The following PREP variants were observed in gnomAD, a reference collection of about 807,000 sequenced individuals.
PREP encodes prolyl endopeptidase, also known as dJ355L5.1 (prolyl endopeptidase).
PREP carries 29 observed loss-of-function variants against 87.6 expected under a neutral mutation model. The observed-to-expected ratio is 0.33, with a 90% CI of 0.25 to 0.45. The LOEUF (loss-of-function observed/expected upper bound fraction) is 0.45. Ranked by LOEUF, PREP falls within the 20% of genes least tolerant of loss-of-function variation. The pLI, the probability that PREP is intolerant of heterozygous loss-of-function variation, is 1.00. For missense variants in PREP, 695 were observed against 886.5 expected (o/e 0.78, Z 2.74); for synonymous variants, 337 against 328.6 (o/e 1.03, Z -0.28).
rs200291984 is a variant in PREP at position 105,373,531 on chromosome 6, C to T, written c.433G>A (p.Ala145Thr). 3 of 1,614,110 alleles carry T rather than the reference C, an allele frequency of 1.9e-6. No individual in the cohort carries two copies. Among genetic ancestry groups the T allele is most frequent in the Non-Finnish European group, 1.7e-6 (2 of 1,180,042 alleles). The change falls in exon 5 of 15, where the codon GCC becomes ACC. Residue 145 changes from alanine (A) to threonine (T), a missense_variant. Ala to Thr is a moderately conservative substitution (Grantham distance 58). Coordinates refer to ENST00000652536, the MANE Select transcript of PREP (RefSeq NM_002726.5). The stretch of plus-strand genomic sequence containing the variant: ...ATTGTCACCCAGTCTGAGCCACTGG[C>T]ACTCAGACCATAGGCAAAATATTCA... ...DGEYFAYGLS[A>T]SGSDWVTIKF...
chr6:105,350,067 T>C (rs1771907025), intron 7 of PREP, among the ~76,000 whole-genome samples: 2 of 152,156 alleles, frequency 1.3e-5, no homozygotes, highest in South Asian at 4.1e-4. Flanking sequence ...GAAAACAAGT[T>C]AATTTGAAAA....
At chr6:105,397,047 T>C (rs1773302810) in intron 2 of PREP, among the ~76,000 whole-genome samples, 1 of 151,970 alleles carries the variant, frequency 6.6e-6, no homozygotes, top group Non-Finnish European at 1.5e-5. Context: ...TAGCCGGGTG[T>C]GGTGGCACAT....
chr6:105,280,325 A>AAAG (rs1179090344), intron 14 of PREP, among the ~76,000 whole-genome samples: 1 of 152,194 alleles, frequency 6.6e-6, no homozygotes, highest in Non-Finnish European at 1.5e-5. Context: ...TTTAGAAACT[A>AAAG]AAGTTATTTT....
chr6:105,393,529 A>G (rs1205607041), intron 2 of PREP, among the ~76,000 whole-genome samples: 6 of 152,206 alleles, frequency 3.9e-5, no homozygotes, highest in Non-Finnish European at 8.8e-5. Flanking sequence ...AGCAAATCTA[A>G]CGCTGATATG....
intron 10 of PREP, among the ~76,000 whole-genome samples, chr6:105,303,271 T>C (rs115222102): frequency 2.4e-3 from 361 of 152,222 alleles, no homozygotes; most frequent in African/African-American, 8.1e-3. Context: ...CATTACGTTG[T>C]CCAGGATGGT....
chr6:105,323,796 G>T, intron 9 of PREP, 28 bp from the exon 10 acceptor site: 1 of 1,554,240 alleles, frequency 6.4e-7, no homozygotes. Flanking sequence ...GCTTGGTTTA[G>T]TCTACGGGAC....
In PREP at chr6:105,339,485, A is replaced by G. The variant is rs548158775; in HGVS notation, c.824-5980T>C. Among the ~76,000 whole-genome samples, 26 of 152,344 alleles carry G rather than the reference A, an allele frequency of 1.7e-4. No individual in the cohort carries two copies. The South Asian group carries it at 2.9e-3, about 17-fold the overall frequency. The stretch of plus-strand genomic sequence containing the variant: ...AAATCAGAGCTCCTCTTCTCCTCCA[A>G]AGGTACACAGCTCCTCGCCAGCAAC... On this transcript the variant is annotated intron_variant, in intron 7 of 14. Transcript: ENST00000652536.
At position 105,333,444 on chromosome 6, in the gene PREP, A is replaced by G. The variant is rs748767992; in HGVS notation, c.885T>C (p.Asn295=). The G allele has an allele frequency of 5.6e-6, 9 of 1,613,984 alleles. No homozygotes were observed. In the South Asian group the frequency reaches 7.7e-5, roughly 14 times the overall value. ...TCTTGAATGTGAACACCGTCCCCTC[A>G]TTGGTCACGTAGTCATATTCCCCTT... ...NFEGEYDYVT[N]EGTVFTFKTN... The change falls in exon 8 of 15, where the codon AAT becomes AAC. Residue 295 remains asparagine, a synonymous_variant. Coordinates refer to ENST00000652536, the MANE Select transcript of PREP (RefSeq NM_002726.5).
chr6:105,391,246 G>A (rs941917261), intron 2 of PREP, among the ~76,000 whole-genome samples: 7 of 151,894 alleles, frequency 4.6e-5, no homozygotes, highest in South Asian at 2.1e-4. Flanking sequence ...GCTGGGCATC[G>A]TGGTGGGCGC....
chr6:105,318,709 T>C (rs1020399805), intron 10 of PREP, among the ~76,000 whole-genome samples: 2 of 152,290 alleles, frequency 1.3e-5, no homozygotes, highest in Admixed American at 6.5e-5. Context: ...TTCCTAACCA[T>C]ATGAAAATAG....
At chr6:105,279,296 C>T (rs1225002325) in intron 14 of PREP, among the ~76,000 whole-genome samples, 1 of 152,112 alleles carries the variant, frequency 6.6e-6, no homozygotes, top group African/African-American at 2.4e-5. Flanking sequence ...AAATTCTGCT[C>T]AGTTAACCAA....
intron 8 of PREP, among the ~76,000 whole-genome samples, chr6:105,331,905 C>G (rs1298841598): frequency 6.6e-6 from 1 of 152,112 alleles, no homozygotes; most frequent in African/African-American, 2.4e-5. Flanking sequence ...TCTACCAACC[C>G]CAGCCTGACA....
Position 105,401,389 on chromosome 6 carries a change from C to CATGA in PREP, c.45+1454_45+1457dup, listed in dbSNP as rs548363970. ...GGAACACTGCAGAGCTAGACTGTCACATGAATGAATGAATGAATGACAACA... is the reference window on the plus strand; with the variant it reads ...GGAACACTGCAGAGCTAGACTGTCACATGAATGAATGAATGAATGAATGACAACA... On this transcript the variant is annotated intron_variant, in intron 1 of 14. Transcript: ENST00000652536. Among the ~76,000 whole-genome samples the CATGA allele has an allele frequency of 1.8e-3, 268 of 152,262 alleles. 3 individuals carry two copies. The East Asian group carries it at 0.041, about 23-fold the overall frequency.
chr6:105,348,067 T>C (rs1267950171), intron 7 of PREP, among the ~76,000 whole-genome samples: 1 of 152,164 alleles, frequency 6.6e-6, no homozygotes, highest in African/African-American at 2.4e-5. Context: ...GACTCAGCTG[T>C]CTTTTCTACT....
At chr6:105,354,537 A>G (rs1256153650) in intron 6 of PREP, among the ~76,000 whole-genome samples, 1 of 143,444 alleles carries the variant, frequency 7.0e-6, no homozygotes, top group African/African-American at 2.7e-5. Context: ...TTTTTTTTTT[A>G]AGATAAGATT....
Position 105,278,333 on chromosome 6 carries a change from G to C in PREP, c.1944C>G (p.His648Gln). The C allele has an allele frequency of 6.2e-7, 1 of 1,614,242 alleles. No homozygotes were observed. Among genetic ancestry groups the C allele is most frequent in the Non-Finnish European group, 8.5e-7 (1 of 1,180,032 alleles). Reference protein sequence around the residue: ...ADHDDRVVPLHSLKFIATLQY... With the variant: ...ADHDDRVVPLQSLKFIATLQY... ...GAAGGGTGGCAATGAACTTCAGGGA[G>C]TGAAGCGGGACCACGCGGTCATCAT... Residue 648 changes from histidine (H) to glutamine (Q), a missense_variant, in exon 15 of 15, where the codon CAC (histidine) becomes CAG (glutamine). By Grantham distance (24) the His-to-Gln change is conservative (BLOSUM62 0). This residue lies in a region of PREP where 121 missense variants were observed against 154.8 expected (regional missense o/e 0.78). Transcript: ENST00000652536. This position sits in a 1 kb window ranked among gnomAD's most constrained non-coding sequence, Gnocchi z 4.2.
At chr6:105,308,237 C>T (rs1213714922) in intron 10 of PREP, among the ~76,000 whole-genome samples, 1 of 152,034 alleles carries the variant, frequency 6.6e-6, no homozygotes, top group African/African-American at 2.4e-5. Flanking sequence ...ATTTGACCGT[C>T]CAGAGGCTGA....
chr6:105,367,604 A>G (rs372317037), intron 6 of PREP, among the ~76,000 whole-genome samples: 2,118 of 150,898 alleles, frequency 0.014, 52 homozygotes, highest in African/African-American at 0.047. Flanking sequence ...CCCGGGAGGC[A>G]GAGCTTGCAG....
chr6:105,295,955 A>G (rs55637668), intron 10 of PREP, among the ~76,000 whole-genome samples: 14,410 of 152,304 alleles, frequency 0.095, 780 homozygotes, highest in Middle Eastern at 0.14. Context: ...AATTCCTTTT[A>G]GATAAATCTG....
Sources: allele counts gnomAD v4.1 joint callset (sites outside exome capture counted in the v4.1 genomes callset), GRCh38; gene constraint gnomAD v4.1.1; regional missense constraint gnomAD v4.1.1; non-coding constraint Gnocchi (gnomAD v3.1); transcripts MANE v1.5; gene names NCBI Gene and HGNC (gene_info 2026-07-23, HGNC 2026-07-21).